Variants in POF1B observed in about 807,000 individuals in gnomAD.
POF1B encodes the protein POF1B actin binding protein.
A neutral mutation model predicts 55.3 loss-of-function variants in POF1B; 53 were observed. The observed-to-expected ratio is 0.96, with a 90% CI of 0.77 to 1.20. The LOEUF (loss-of-function observed/expected upper bound fraction) is 1.20. Ranked by LOEUF, POF1B falls within the 50% of genes most tolerant of loss-of-function variation. The probability of loss-of-function intolerance (pLI) is 0.00; values close to 1 mark genes in which losing one functional copy is unlikely to be tolerated. For synonymous variants in POF1B, 188 were observed against 148.3 expected, an observed-to-expected ratio of 1.27 and a Z score of -1.95; for missense variants, 478 against 420.5, an observed-to-expected ratio of 1.14 and a Z score of -1.20.
chrX:85,291,711 C>T (rs181864806), intron 15 of POF1B, among the ~76,000 whole-genome samples: 21 of 109,677 alleles, frequency 1.9e-4, no homozygotes, highest in East Asian at 8.7e-4. Flanking sequence ...TTTCTGATTT[C>T]GCTCTCTGCT....
At position 85,348,732 on chromosome X, in the gene POF1B, ATTC is replaced by A. The variant is rs367846917; in HGVS notation, c.540+2615_540+2617del. Among the ~76,000 whole-genome samples, 107 of 111,758 alleles carry A rather than the reference ATTC, an allele frequency of 9.6e-4. 1 individual carries two copies. The highest frequency in any genetic ancestry group is 3.1e-3 in the African/African-American group (96 of 30,898). The stretch of plus-strand genomic sequence containing the variant: ...ATAAAGTGGGCATAAACAAGTAAAT[ATTC>A]GAGTTAACAGTAAATAGCAGCAGTA... On this transcript the variant is annotated intron_variant, in intron 5 of 16. Transcript: ENST00000262753.
intron 7 of POF1B, among the ~76,000 whole-genome samples, chrX:85,321,011 G>A (rs931755201): frequency 1.8e-5 from 2 of 111,066 alleles, no homozygotes; most frequent in African/African-American, 3.3e-5. Context: ...TCTACCAGAG[G>A]TACAAGGAGG....
intron 4 of POF1B, among the ~76,000 whole-genome samples, chrX:85,353,541 T>C (rs1173851537): frequency 1.8e-5 from 2 of 111,317 alleles, no homozygotes; most frequent in Non-Finnish European, 3.8e-5. Context: ...GGTCTGATTA[T>C]GTTTTTATTC....
intron 7 of POF1B, among the ~76,000 whole-genome samples, chrX:85,323,767 A>C (rs1331305493): frequency 9.1e-6 from 1 of 109,834 alleles, no homozygotes; most frequent in Non-Finnish European, 1.9e-5. Flanking sequence ...CTGTGGGGTT[A>C]GTTTTCTCTT....
intron 15 of POF1B, among the ~76,000 whole-genome samples, chrX:85,300,659 A>G (rs1932425139): frequency 8.9e-6 from 1 of 111,957 alleles, no homozygotes; most frequent in African/African-American, 3.2e-5. Flanking sequence ...TAAGACATGC[A>G]AAGAAACAAG....
chrX:85,338,682 G>A (rs1933118338), intron 6 of POF1B, among the ~76,000 whole-genome samples: 1 of 111,486 alleles, frequency 9.0e-6, no homozygotes, highest in Admixed American at 9.5e-5. Flanking sequence ...AGAGTTCCAA[G>A]AAGAAAACTT....
chrX:85,340,178 G>A (rs1422481544), intron 6 of POF1B, among the ~76,000 whole-genome samples: 1 of 110,990 alleles, frequency 9.0e-6, no homozygotes, highest in Non-Finnish European at 1.9e-5. Context: ...TTTAACAATG[G>A]TGGGAGTCCA....
intron 7 of POF1B, among the ~76,000 whole-genome samples, chrX:85,321,004 A>G (rs770423497): frequency 0.014 from 1,510 of 111,030 alleles, 23 homozygotes; most frequent in African/African-American, 0.047. Context: ...GCCGAATTCT[A>G]CCAGAGGTAC....
chrX:85,295,466 T>C (rs1932289561), intron 15 of POF1B, among the ~76,000 whole-genome samples: 2 of 111,965 alleles, frequency 1.8e-5, no homozygotes, highest in African/African-American at 6.5e-5. Context: ...TATTTCTTTC[T>C]TGATTTTGTT....
intron 4 of POF1B, among the ~76,000 whole-genome samples, chrX:85,354,378 T>A (rs887761314): frequency 1.8e-5 from 2 of 110,973 alleles, no homozygotes; most frequent in Admixed American, 9.6e-5. Context: ...GTGAAGGAAC[T>A]GATGATTGAG....
intron 9 of POF1B, among the ~76,000 whole-genome samples, chrX:85,313,174 A>G (rs779127946): frequency 7.3e-4 from 81 of 111,312 alleles, no homozygotes; most frequent in Non-Finnish European, 1.0e-3. Flanking sequence ...TATTTCTTTC[A>G]CTTGCCTTGT....
Position 85,303,438 on chromosome X carries a change from G to T in POF1B, c.1617C>A (p.Ser539=). 3.4e-6 allele frequency: 4 copies of T among 1,193,027 alleles called. No homozygotes were observed. Among genetic ancestry groups the T allele is most frequent in the Non-Finnish European group, 4.5e-6 (4 of 881,451 alleles). The part of the protein sequence containing the change: ...QEIYSSHNQP[S]TGGRTTITTK... ...TGGTAATAGTAGTCCTTCCACCAGT[G>T]GAGGGTTGGTTATGAGAGGAATATA... The change falls in exon 15 of 17, where the codon TCC becomes TCA. Residue 539 remains serine (S), a synonymous_variant. Coordinates refer to ENST00000262753, the MANE Select transcript of POF1B (RefSeq NM_024921.4).
chrX:85,362,841 T>A (rs1048075878), intron 3 of POF1B, among the ~76,000 whole-genome samples: 4 of 111,614 alleles, frequency 3.6e-5, no homozygotes, highest in African/African-American at 1.3e-4. Flanking sequence ...TCTTTGTACA[T>A]CTGGTAGAAT....
intron 15 of POF1B, among the ~76,000 whole-genome samples, chrX:85,293,770 C>G (rs1932244750): frequency 1.8e-5 from 2 of 111,401 alleles, no homozygotes. Flanking sequence ...GTCAGGAGTT[C>G]AAGACCAGCC....
At chrX:85,298,013 T>G (rs1378658202) in intron 15 of POF1B, among the ~76,000 whole-genome samples, 1 of 112,493 alleles carries the variant, frequency 8.9e-6, no homozygotes, top group African/African-American at 3.2e-5. Flanking sequence ...GAACCATGCC[T>G]GTGGCTTTGT....
intron 2 of POF1B, among the ~76,000 whole-genome samples, chrX:85,378,285 T>C (rs1324082989): frequency 8.9e-6 from 1 of 111,932 alleles, no homozygotes; most frequent in Non-Finnish European, 1.9e-5. Flanking sequence ...TTGAGATTTT[T>C]GTATCTTAAA....
rs916981607 is a variant in POF1B at position 85,279,324 on chromosome X, T to A, written c.*97A>T. The A allele has an allele frequency of 1.2e-6, 1 of 867,468 alleles. No individual in the cohort carries two copies. Among genetic ancestry groups the A allele is most frequent in the African/African-American group, 2.1e-5 (1 of 48,653 alleles). The allele number at this position is 867,468 out of a possible 1,213,427, so 71.5% of individuals were successfully genotyped here. A position where few individuals can be genotyped will look rare whatever the true frequency, so the allele number is the denominator to read the frequency against. ...TAGCAGCATGGTTCCAAATTCTGATTGGCCTTTAGTGATGGAAAAATAACA... is the reference window on the plus strand; with the variant it reads ...TAGCAGCATGGTTCCAAATTCTGATAGGCCTTTAGTGATGGAAAAATAACA... On this transcript the variant is annotated 3_prime_UTR_variant, in exon 17 of 17. Coordinates refer to ENST00000262753, the MANE Select transcript of POF1B (RefSeq NM_024921.4).
At chrX:85,373,124 A>G (rs1453176316) in intron 2 of POF1B, among the ~76,000 whole-genome samples, 1 of 111,548 alleles carries the variant, frequency 9.0e-6, no homozygotes, top group Non-Finnish European at 1.9e-5. Flanking sequence ...TAGAATGGGA[A>G]AATATACAGT....
chrX:85,307,309 A>G (rs962512826), intron 10 of POF1B, 33 bp from the exon 11 acceptor site: 7 of 1,019,170 alleles, frequency 6.9e-6, no homozygotes, highest in Non-Finnish European at 8.1e-6. Flanking sequence ...ATGATTCAGA[A>G]TTGCAAAAAC....
Sources: allele counts gnomAD v4.1 joint callset (sites outside exome capture counted in the v4.1 genomes callset), GRCh38; gene constraint gnomAD v4.1.1; transcripts MANE v1.5; gene names NCBI Gene and HGNC (gene_info 2026-07-23, HGNC 2026-07-21).